MYLK: variants seen among roughly 807,000 people sequenced by gnomAD.
MYLK encodes the protein myosin light chain kinase, also known as myosin light chain kinase, smooth muscle.
In MYLK, 106 loss-of-function variants were observed where a neutral mutation model predicts 203.4. That is an observed-to-expected ratio of 0.52 (90% CI 0.45 to 0.61). The LOEUF (loss-of-function observed/expected upper bound fraction) is 0.61, where lower values mean the gene tolerates loss of function less well. MYLK is among the 20% of genes least tolerant of loss of function. The pLI, the probability that MYLK is intolerant of heterozygous loss-of-function variation, is 0.00. For missense variants in MYLK, 2,072 were observed against 2,442.3 expected (o/e 0.85, Z 3.20); for synonymous variants, 867 against 959.5 (o/e 0.90, Z 1.78).
intron 5 of MYLK, among the ~76,000 whole-genome samples, chr3:123,745,137 T>G (rs183588601): frequency 1.3e-5 from 2 of 152,304 alleles, no homozygotes; most frequent in Admixed American, 6.5e-5. Context: ...TCTTTTTTTT[T>G]GTATTATTGA....
At chr3:123,801,819 G>A (rs1213581019) in intron 3 of MYLK, among the ~76,000 whole-genome samples, 2 of 152,056 alleles carry the variant, frequency 1.3e-5, no homozygotes, top group Non-Finnish European at 2.9e-5. Flanking sequence ...TTCTTTATCT[G>A]CTCCACCATT....
intron 2 of MYLK, among the ~76,000 whole-genome samples, chr3:123,862,785 GC>G (rs987584989): frequency 6.6e-6 from 1 of 152,054 alleles, no homozygotes; most frequent in African/African-American, 2.4e-5. Flanking sequence ...CCTTTCAGCA[GC>G]CCCCACCTCC....
At chr3:123,837,623 A>T (rs1181337872) in intron 2 of MYLK, among the ~76,000 whole-genome samples, 1 of 151,510 alleles carries the variant, frequency 6.6e-6, no homozygotes, top group African/African-American at 2.4e-5. Context: ...ATAGTCAAAG[A>T]GTTGTGCACT....
intron 2 of MYLK, among the ~76,000 whole-genome samples, chr3:123,834,794 C>T (rs1274021979): frequency 6.6e-6 from 1 of 152,074 alleles, no homozygotes. Flanking sequence ...CTCTAAAATA[C>T]CAATTAAGTC....
chr3:123,669,183 T>C (rs1201760214), intron 20 of MYLK, among the ~76,000 whole-genome samples: 1 of 152,232 alleles, frequency 6.6e-6, no homozygotes, highest in Non-Finnish European at 1.5e-5. Flanking sequence ...ACCGAGCTGA[T>C]GGCTGCCGGC....
rs945041093 is a variant in MYLK at position 123,648,126 on chromosome 3, A to C, written c.4416-699T>G. ...TTTCTGACACTGTTACCCAGTTTGC[A>C]TCACTCCTTCATTTCCCAGAAACCA... is the stretch of plus-strand genomic sequence containing the variant. On this transcript the variant is annotated intron_variant, in intron 26 of 33. Coordinates refer to ENST00000360304, the MANE Select transcript of MYLK (RefSeq NM_053025.4). The surrounding 1 kb of genome is among the most constrained non-coding windows in gnomAD (Gnocchi z 4.5). Among the ~76,000 whole-genome samples, 1 of 152,158 alleles carries C rather than the reference A, an allele frequency of 6.6e-6. No individual in the cohort carries two copies. The highest frequency in any genetic ancestry group is 2.4e-5 in the African/African-American group (1 of 41,420).
intron 4 of MYLK, among the ~76,000 whole-genome samples, chr3:123,788,872 T>C (rs1286694481): frequency 6.6e-6 from 1 of 152,178 alleles, no homozygotes; most frequent in Non-Finnish European, 1.5e-5. Context: ...ATTTGGGCTG[T>C]ACTTCTCAAG....
chr3:123,793,949 G>A (rs748413158), intron 3 of MYLK, 105 bp from the exon 4 acceptor site: 1 of 1,269,652 alleles, frequency 7.9e-7, no homozygotes, highest in Non-Finnish European at 1.1e-6. Flanking sequence ...CTTTTACGTG[G>A]AGCAGATCCC....
At chr3:123,675,821 G>A (rs911309810) in intron 20 of MYLK, among the ~76,000 whole-genome samples, 2 of 152,162 alleles carry the variant, frequency 1.3e-5, no homozygotes, top group African/African-American at 4.8e-5. Flanking sequence ...GGAAGGCTGA[G>A]TCCTACCACA....
At chr3:123,654,145 A>AGCTCCGTAG (rs1395464861) in intron 24 of MYLK, among the ~76,000 whole-genome samples, 142 of 152,258 alleles carry the variant, frequency 9.3e-4, no homozygotes, top group African/African-American at 3.4e-3. Context: ...CGTCTCCGTG[A>AGCTCCGTAG]CTTGCACCAT....
At chr3:123,638,801 G>A in intron 28 of MYLK, 1 of 985,426 alleles carries the variant, frequency 1.0e-6, no homozygotes, top group Non-Finnish European at 1.2e-6. Flanking sequence ...TACTGGTAGG[G>A]TAGTCGGGAG....
chr3:123,883,531 C>A (rs2033673358), intron 1 of MYLK, among the ~76,000 whole-genome samples: 1 of 152,168 alleles, frequency 6.6e-6, no homozygotes, highest in East Asian at 1.9e-4. Flanking sequence ...TCCTTTGGGT[C>A]TTGAAGGGTT....
intron 4 of MYLK, among the ~76,000 whole-genome samples, chr3:123,758,835 T>G (rs2063444424): frequency 6.6e-6 from 1 of 152,220 alleles, no homozygotes; most frequent in African/African-American, 2.4e-5. Context: ...TTTCTTTCTT[T>G]TTTTTCTGAG....
intron 3 of MYLK, among the ~76,000 whole-genome samples, chr3:123,817,948 C>T (rs1355482631): frequency 6.6e-6 from 1 of 152,156 alleles, no homozygotes; most frequent in African/African-American, 2.4e-5. Flanking sequence ...GCAGGGTCAG[C>T]TCTCTTAGGA....
intron 4 of MYLK, among the ~76,000 whole-genome samples, chr3:123,763,165 C>T (rs1030871325): frequency 2.6e-5 from 4 of 152,170 alleles, no homozygotes; most frequent in African/African-American, 9.7e-5. Flanking sequence ...GAGTTAATAA[C>T]TGCTTTACTT....
At chr3:123,765,752 AG>A (rs1001570909) in intron 4 of MYLK, among the ~76,000 whole-genome samples, 16 of 152,334 alleles carry the variant, frequency 1.1e-4, no homozygotes, top group African/African-American at 3.4e-4. Context: ...AAATTTAAAA[AG>A]GAAGGAAATG....
At position 123,709,757 on chromosome 3, in the gene MYLK, T is replaced by G. The variant is rs1241420717; in HGVS notation, c.1941A>C (p.Ser647=). The G allele has an allele frequency of 4.3e-6, 7 of 1,613,824 alleles. No homozygotes were observed. Among genetic ancestry groups the G allele is most frequent in the Middle Eastern group, 3.4e-4 (2 of 5,908 alleles). ...GSQVTMTVQV[S]GNPPPEVIWL... is the part of the protein sequence containing the mutation. Reference sequence around the variant, plus strand: ...CAAGAGAGAGCTGCAGAGACAGACCTGACACTTGGACAGTCATAGTGACCT... The same window carrying G: ...CAAGAGAGAGCTGCAGAGACAGACCGGACACTTGGACAGTCATAGTGACCT... Residue 647 remains serine, a splice_region_variant and synonymous_variant, in exon 14 of 34, where the codon TCA becomes TCC. Transcript: ENST00000360304.
chr3:123,818,139 G>A (rs1560256434), intron 3 of MYLK, among the ~76,000 whole-genome samples: 1 of 152,156 alleles, frequency 6.6e-6, no homozygotes, highest in Non-Finnish European at 1.5e-5. Flanking sequence ...TATTATTCAA[G>A]AAATGATTTT....
Position 123,880,409 on chromosome 3 carries a change from A to T in MYLK, c.-185-3792T>A, listed in dbSNP as rs111479774. On this transcript the variant is annotated intron_variant, in intron 1 of 33. Coordinates refer to ENST00000360304, the MANE Select transcript of MYLK (RefSeq NM_053025.4). ...TCGGTTCCCCCAAAGATTATGAGAA[A>T]TAACCCATAAGGTCCTGGATTAACA... Among the ~76,000 whole-genome samples, 523 of 152,324 alleles carry T rather than the reference A, an allele frequency of 3.4e-3. 1 individual carries two copies. The highest frequency in any genetic ancestry group is 0.012 in the African/African-American group (502 of 41,566).
Sources: allele counts gnomAD v4.1 joint callset (sites outside exome capture counted in the v4.1 genomes callset), GRCh38; gene constraint gnomAD v4.1.1; non-coding constraint Gnocchi (gnomAD v3.1); transcripts MANE v1.5; gene names NCBI Gene and HGNC (gene_info 2026-07-23, HGNC 2026-07-21).